The following TENM3 variants were observed in gnomAD, a reference collection of about 807,000 sequenced individuals.
TENM3 encodes the protein teneurin-3.
Under a neutral mutation model 255.1 loss-of-function variants are expected in TENM3, and 63 were observed. The ratio of observed to expected loss-of-function variants is 0.25; its 90% CI spans 0.20 to 0.30. TENM3 has a LOEUF of 0.30. Among genes scored for constraint, TENM3 ranks in the 10% least tolerant of loss-of-function variants. The pLI is 1.00. For missense variants in TENM3, 2,929 were observed against 3,461.1 expected (o/e 0.85, Z 3.86); for synonymous variants, 1,306 against 1,322.3 (o/e 0.99, Z 0.27).
chr4:182,121,487 G>C, the TENM3 span, among the ~76,000 whole-genome samples: 1 of 152,110 alleles, frequency 6.6e-6, no homozygotes, highest in Non-Finnish European at 1.5e-5. Context: ...TTTTAATGTA[G>C]AGCTAAAGAC....
At chr4:182,061,415 A>G in the TENM3 span, among the ~76,000 whole-genome samples, 182 of 152,154 alleles carry the variant, frequency 1.2e-3, no homozygotes, top group African/African-American at 4.2e-3. Flanking sequence ...CATCTAAGTT[A>G]CTTTTTTTTC....
intron 1 of TENM3, among the ~76,000 whole-genome samples, chr4:182,211,243 T>C (rs2149891495): frequency 6.6e-6 from 1 of 152,370 alleles, no homozygotes; most frequent in East Asian, 1.9e-4. Flanking sequence ...CTCTTTCTTG[T>C]TCACGAGAAG....
the TENM3 span, among the ~76,000 whole-genome samples, chr4:181,979,097 CATATATATATATATAT>C: frequency 1.0e-2 from 303 of 30,360 alleles, 2 homozygotes; most frequent in South Asian, 0.015. Flanking sequence ...TTAAGCCTGA[CATATATATATATATAT>C]ATATATATAT....
At chr4:181,773,626 A>T in the TENM3 span, among the ~76,000 whole-genome samples, 2 of 152,160 alleles carry the variant, frequency 1.3e-5, no homozygotes, top group Non-Finnish European at 2.9e-5. Flanking sequence ...ACCAGTACTG[A>T]ATTAGTGATT....
chr4:181,702,527 CG>C, the TENM3 span, among the ~76,000 whole-genome samples: 3 of 152,038 alleles, frequency 2.0e-5, no homozygotes, highest in Non-Finnish European at 2.9e-5. Flanking sequence ...GAAAGTAATT[CG>C]ATCAGATATA....
chr4:181,605,405 C>G, the TENM3 span, among the ~76,000 whole-genome samples: 9 of 149,836 alleles, frequency 6.0e-5, no homozygotes, highest in South Asian at 1.9e-3. Flanking sequence ...GATCGCCCCA[C>G]GACGCTCCAG....
the TENM3 span, among the ~76,000 whole-genome samples, chr4:181,921,585 G>T: frequency 1.3e-5 from 2 of 152,174 alleles, no homozygotes; most frequent in African/African-American, 4.8e-5. Context: ...GATTGATTTT[G>T]TATCCTGAGA....
chr4:182,755,400 G>A (rs1420477006), intron 22 of TENM3, 141 bp downstream of exon 22: 16 of 802,846 alleles, frequency 2.0e-5, no homozygotes, highest in Non-Finnish European at 3.0e-5. Context: ...ATCCCGGCTG[G>A]GCACGGTGGC....
Position 182,168,544 on chromosome 4 carries a change from C to T in TENM3, c.-76+23790C>T, listed in dbSNP as rs1190551176. Among the ~76,000 whole-genome samples the T allele has an allele frequency of 5.3e-5, 8 of 152,240 alleles. No individual in the cohort carries two copies. The East Asian group carries it at 1.3e-3, about 26-fold the overall frequency. On this transcript the variant is annotated intron_variant, in intron 1 of 2. Coordinates refer to the TENM3 transcript ENST00000512480. ...TTAAGCTCCTGGATCTCTATGAAACCGCTGCTGATACTTCTATTAGCTTCT... is the reference window on the plus strand; with the variant it reads ...TTAAGCTCCTGGATCTCTATGAAACTGCTGCTGATACTTCTATTAGCTTCT...
chr4:181,643,670 C>G, the TENM3 span, among the ~76,000 whole-genome samples: 5 of 152,094 alleles, frequency 3.3e-5, no homozygotes, highest in Non-Finnish European at 2.9e-5. Flanking sequence ...AGTCAAGGGT[C>G]AATAATTACA....
chr4:181,691,427 T>C, the TENM3 span, among the ~76,000 whole-genome samples: 10 of 152,134 alleles, frequency 6.6e-5, no homozygotes, highest in Non-Finnish European at 1.5e-4. Context: ...GTAACAGAAC[T>C]ACAGATCAAA....
the TENM3 span, among the ~76,000 whole-genome samples, chr4:181,548,378 A>T: frequency 6.6e-6 from 1 of 152,344 alleles, no homozygotes; most frequent in African/African-American, 2.4e-5. Flanking sequence ...TTATTGCAGC[A>T]CTATTCACAA....
chr4:182,067,829 G>T, the TENM3 span, among the ~76,000 whole-genome samples: 1 of 152,104 alleles, frequency 6.6e-6, no homozygotes, highest in African/African-American at 2.4e-5. Flanking sequence ...TGTTGAAAAA[G>T]TTTGTGTTAC....
At chr4:182,294,594 G>A (rs4862036) in intron 1 of TENM3, among the ~76,000 whole-genome samples, 25,877 of 152,068 alleles carry the variant, frequency 0.17, 2,512 homozygotes, top group African/African-American at 0.24. Context: ...TAGAAAGGCT[G>A]TTTTGTTTCC....
chr4:182,682,833 T>C (rs1756279383), intron 11 of TENM3, among the ~76,000 whole-genome samples: 1 of 152,138 alleles, frequency 6.6e-6, no homozygotes, highest in Non-Finnish European at 1.5e-5. Flanking sequence ...GCCATTCTAG[T>C]GTGGAAGATT....
chr4:182,473,087 T>A (rs1733291116), intron 3 of TENM3, among the ~76,000 whole-genome samples: 1 of 152,210 alleles, frequency 6.6e-6, no homozygotes. Context: ...TATTTTACAT[T>A]ATTTCTTCTC....
chr4:182,177,963 T>C lies in TENM3; in HGVS notation c.-76+33209T>C, dbSNP rs570242443. Among the ~76,000 whole-genome samples the C allele has an allele frequency of 2.9e-5, 4 of 137,534 alleles. No individual in the cohort carries two copies. The East Asian group carries it at 6.0e-4, about 21-fold the overall frequency. 90.2% of individuals were successfully genotyped at this position (137,534 alleles called of 152,430 possible). On this transcript the variant is annotated intron_variant, in intron 1 of 2. Transcript: ENST00000512480. Reference sequence around the variant, plus strand: ...TTTTATATGTTTTGGTTTTTGTTTTTTTTTTTTTTTTTGCTTTAAGAGTTA... The same window carrying C: ...TTTTATATGTTTTGGTTTTTGTTTTCTTTTTTTTTTTTGCTTTAAGAGTTA...
At chr4:182,779,468 T>C (rs1353558174) in intron 24 of TENM3, among the ~76,000 whole-genome samples, 2 of 152,232 alleles carry the variant, frequency 1.3e-5, no homozygotes, top group African/African-American at 2.4e-5. Context: ...TTGTTGGACA[T>C]TTGGGTTGGT....
At chr4:181,580,858 T>C in the TENM3 span, among the ~76,000 whole-genome samples, 1 of 152,182 alleles carries the variant, frequency 6.6e-6, no homozygotes, top group Non-Finnish European at 1.5e-5. Flanking sequence ...GGTTCAGAAT[T>C]GCTCAGTCAA....
Sources: allele counts gnomAD v4.1 joint callset (sites outside exome capture counted in the v4.1 genomes callset), GRCh38; gene constraint gnomAD v4.1.1; transcripts MANE v1.5; gene names NCBI Gene and HGNC (gene_info 2026-07-23, HGNC 2026-07-21).